The following ADGRB3 variants were observed in gnomAD, a reference collection of about 807,000 sequenced individuals.
The protein encoded by ADGRB3 is adhesion G protein-coupled receptor B3, also known as brain-specific angiogenesis inhibitor 3.
Under a neutral mutation model 193.4 loss-of-function variants are expected in ADGRB3, and 37 were observed. The ratio of observed to expected loss-of-function variants is 0.19; its 90% CI spans 0.15 to 0.25. The LOEUF is 0.25. Ranked by LOEUF, ADGRB3 falls within the 10% of genes least tolerant of loss-of-function variation. The pLI is 1.00. For missense variants in ADGRB3, 1,637 were observed against 1,852.9 expected (o/e 0.88, Z 2.14); for synonymous variants, 690 against 644.2 (o/e 1.07, Z -1.08).
chr6:68,862,864 C>A (rs963265080), intron 3 of ADGRB3, among the ~76,000 whole-genome samples: 4 of 152,090 alleles, frequency 2.6e-5, no homozygotes, highest in African/African-American at 9.7e-5. Flanking sequence ...TTCTTAAATT[C>A]CCACCACAAA....
chr6:68,969,488 T>C (rs1323697352), intron 8 of ADGRB3, among the ~76,000 whole-genome samples: 4 of 152,180 alleles, frequency 2.6e-5, no homozygotes, highest in Admixed American at 2.6e-4. Flanking sequence ...TAAGCACAGC[T>C]ATCTTAGTTC....
chr6:68,674,012 A>G (rs147404058), intron 3 of ADGRB3, among the ~76,000 whole-genome samples: 2 of 152,186 alleles, frequency 1.3e-5, no homozygotes, highest in African/African-American at 2.4e-5. Context: ...AATAAGGGAC[A>G]GCCTTCAAAG....
At chr6:68,743,744 GT>G (rs1427584196) in intron 3 of ADGRB3, among the ~76,000 whole-genome samples, 10 of 152,086 alleles carry the variant, frequency 6.6e-5, no homozygotes, top group African/African-American at 1.9e-4. Flanking sequence ...GTAAATTTCT[GT>G]TGAGAAATTA....
Position 69,141,095 on chromosome 6 carries a change from A to C in ADGRB3, c.2480+65057A>C, listed in dbSNP as rs576746439. ...AGTGAAAGAAAGAAGACAGGAAGTC[A>C]GTTTGGGGCAGGGATATTTCTTTCT... is the stretch of plus-strand genomic sequence containing the variant. On this transcript the variant is annotated intron_variant, in intron 17 of 31. Coordinates refer to ENST00000370598, the MANE Select transcript of ADGRB3 (RefSeq NM_001704.3). Among the ~76,000 whole-genome samples the C allele has an allele frequency of 9.5e-4, 131 of 137,220 alleles. No homozygotes were observed. The Admixed American group carries it at 0.01, about 11-fold the overall frequency. The allele number at this position is 137,220 out of a possible 152,430, so 90.0% of individuals were successfully genotyped here. A position where few individuals can be genotyped will look rare whatever the true frequency, so the allele number is the denominator to read the frequency against.
intron 3 of ADGRB3, among the ~76,000 whole-genome samples, chr6:68,879,385 T>C (rs569211427): frequency 1.3e-5 from 2 of 151,304 alleles, no homozygotes; most frequent in Non-Finnish European, 2.9e-5. Context: ...CCTGGCTAAT[T>C]TTTTGTATAT....
At chr6:69,264,070 A>G (rs1012196456) in intron 20 of ADGRB3, among the ~76,000 whole-genome samples, 9 of 152,006 alleles carry the variant, frequency 5.9e-5, no homozygotes, top group Non-Finnish European at 1.2e-4. Context: ...AGATGGATAC[A>G]TGTATTGCTG....
At position 69,075,978 on chromosome 6, in the gene ADGRB3, C is replaced by T. The variant is rs1318592743; in HGVS notation, c.2437-17C>T. 6.2e-7 allele frequency: 1 copy of T among 1,604,540 alleles called. No individual in the cohort carries two copies. Among genetic ancestry groups the T allele is most frequent in the East Asian group, 2.2e-5 (1 of 44,692 alleles). On this transcript the variant is annotated splice_polypyrimidine_tract_variant and intron_variant, in intron 16 of 31. Transcript: ENST00000370598. ...TGTACTCAAGATATATGCATTCTTTCTCTGCTTTTTTTTTAGGGTACTTTG... is the reference window on the plus strand; with the variant it reads ...TGTACTCAAGATATATGCATTCTTTTTCTGCTTTTTTTTTAGGGTACTTTG...
intron 17 of ADGRB3, among the ~76,000 whole-genome samples, chr6:69,100,969 G>A (rs1204014526): frequency 1.8e-5 from 2 of 112,168 alleles, no homozygotes; most frequent in African/African-American, 3.3e-5. Flanking sequence ...GAGGGAGAAA[G>A]GGAAGGAAGG....
chr6:69,000,186 C>G (rs1198173874), intron 11 of ADGRB3, among the ~76,000 whole-genome samples: 1 of 151,668 alleles, frequency 6.6e-6, no homozygotes, highest in Non-Finnish European at 1.5e-5. Context: ...TTCTTAGTTT[C>G]TGTAAAAAAA....
Position 69,098,435 on chromosome 6 carries a change from A to G in ADGRB3, c.2480+22397A>G, listed in dbSNP as rs537866755. 2.0e-5 allele frequency among the ~76,000 whole-genome samples: 3 copies of G among 152,358 alleles called. 1 individual carries two copies. In the South Asian group the frequency reaches 6.2e-4, roughly 32 times the overall value. On this transcript the variant is annotated intron_variant, in intron 17 of 31. Transcript: ENST00000370598. ...TATTAGTCCATTTTTACTCTACTAT[A>G]AAGAACTACCTGAGACTGGGTAACT...
chr6:68,792,118 G>C (rs1767118972), intron 3 of ADGRB3, among the ~76,000 whole-genome samples: 1 of 152,118 alleles, frequency 6.6e-6, no homozygotes. Flanking sequence ...TTAAAATACA[G>C]TGCTCCTACA....
At chr6:68,890,266 A>G (rs1424734887) in intron 3 of ADGRB3, among the ~76,000 whole-genome samples, 1 of 152,212 alleles carries the variant, frequency 6.6e-6, no homozygotes, top group East Asian at 1.9e-4. Context: ...GGTAAGTACA[A>G]TCACTTGAGA....
At chr6:69,076,676 A>G (rs530479735) in intron 17 of ADGRB3, among the ~76,000 whole-genome samples, 1 of 152,156 alleles carries the variant, frequency 6.6e-6, no homozygotes, top group South Asian at 2.1e-4. Flanking sequence ...GATGTCTCAA[A>G]GAGCAGGAAA....
intron 3 of ADGRB3, among the ~76,000 whole-genome samples, chr6:68,776,491 A>G (rs1442623262): frequency 6.6e-6 from 1 of 152,126 alleles, no homozygotes; most frequent in African/African-American, 2.4e-5. Context: ...GCATAATTTC[A>G]CATGTATTTA....
intron 17 of ADGRB3, among the ~76,000 whole-genome samples, chr6:69,134,627 G>A (rs1252252563): frequency 6.6e-6 from 1 of 151,918 alleles, no homozygotes; most frequent in Non-Finnish European, 1.5e-5. Flanking sequence ...CATGAACTTA[G>A]TAAGGTTCTC....
intron 3 of ADGRB3, among the ~76,000 whole-genome samples, chr6:68,882,196 G>A (rs980324441): frequency 2.6e-5 from 4 of 152,240 alleles, no homozygotes; most frequent in African/African-American, 9.6e-5. Flanking sequence ...AAATTATGGA[G>A]ATTATCAGTA....
At chr6:68,957,174 T>G (rs1768099584) in intron 8 of ADGRB3, among the ~76,000 whole-genome samples, 1 of 152,244 alleles carries the variant, frequency 6.6e-6, no homozygotes, top group Non-Finnish European at 1.5e-5. Flanking sequence ...CTACATTTAC[T>G]TGCGTTTGCC....
At chr6:68,762,616 A>C (rs1436030024) in intron 3 of ADGRB3, among the ~76,000 whole-genome samples, 1 of 152,130 alleles carries the variant, frequency 6.6e-6, no homozygotes, top group Non-Finnish European at 1.5e-5. Context: ...TAAAACAATA[A>C]AATAAGTCAT....
intron 3 of ADGRB3, among the ~76,000 whole-genome samples, chr6:68,869,446 A>G (rs1466748352): frequency 2.6e-5 from 4 of 152,170 alleles, no homozygotes. Context: ...AGAAGCTTAA[A>G]TTTTCTGGAC....
Sources: gnomAD v4.1 joint callset for allele counts (sites outside exome capture counted in the v4.1 genomes callset) on GRCh38, gnomAD v4.1.1 for gene constraint, MANE v1.5 for transcripts, NCBI Gene and HGNC (gene_info 2026-07-23, HGNC 2026-07-21) for gene names.